The following NIM1K variants were observed in gnomAD, a reference collection of about 807,000 sequenced individuals.
NIM1K encodes NIM1 serine/threonine protein kinase.
In NIM1K, 35 loss-of-function variants were observed where a neutral mutation model predicts 37.1. That is an observed-to-expected ratio of 0.94 (90% CI 0.72 to 1.25). The LOEUF (loss-of-function observed/expected upper bound fraction) is 1.25. Ranked by LOEUF, NIM1K falls within the 50% of genes most tolerant of loss-of-function variation. The pLI is 0.00. For synonymous variants in NIM1K, 234 were observed against 206.6 expected, an observed-to-expected ratio of 1.13 and a Z score of -1.14; for missense variants, 564 against 548.0, an observed-to-expected ratio of 1.03 and a Z score of -0.29.
At chr5:43,252,938 A>G (rs1295547703) in intron 2 of NIM1K, among the ~76,000 whole-genome samples, 1 of 143,640 alleles carries the variant, frequency 7.0e-6, no homozygotes, top group Non-Finnish European at 1.5e-5. Flanking sequence ...CACTTTATTT[A>G]TCTATTTATC....
chr5:43,229,426 T>C (rs528076784), intron 1 of NIM1K, among the ~76,000 whole-genome samples: 1 of 150,934 alleles, frequency 6.6e-6, no homozygotes, highest in East Asian at 1.9e-4. Context: ...TTAATTTGCC[T>C]GAAGGTATAA....
chr5:43,220,264 T>C (rs1409643382), intron 1 of NIM1K, among the ~76,000 whole-genome samples: 1 of 151,622 alleles, frequency 6.6e-6, no homozygotes, highest in Non-Finnish European at 1.5e-5. Flanking sequence ...GGTAAAGGTC[T>C]AACTTTATTC....
At chr5:43,211,770 T>G (rs897000514) in intron 1 of NIM1K, among the ~76,000 whole-genome samples, 1 of 152,226 alleles carries the variant, frequency 6.6e-6, no homozygotes, top group African/African-American at 2.4e-5. Flanking sequence ...TAATGAAGGA[T>G]TTTAAGCAGG....
chr5:43,279,886 A>G, intron 3 of NIM1K, 94 bp from the exon 4 acceptor site: 1 of 1,010,830 alleles, frequency 9.9e-7, no homozygotes, highest in Non-Finnish European at 1.5e-6. Flanking sequence ...TTGTTATTCC[A>G]CCATCATTAT....
chr5:43,213,350 T>C (rs2112220539), intron 1 of NIM1K, among the ~76,000 whole-genome samples: 1 of 142,700 alleles, frequency 7.0e-6, no homozygotes, highest in South Asian at 2.1e-4. Context: ...CTTTTCTAGT[T>C]GGAGTCTCAT....
At chr5:43,278,889 G>A (rs549783638) in intron 3 of NIM1K, among the ~76,000 whole-genome samples, 2 of 152,204 alleles carry the variant, frequency 1.3e-5, no homozygotes, top group Non-Finnish European at 2.9e-5. Context: ...TGTGATATAT[G>A]ACCAATCATC....
intron 3 of NIM1K, among the ~76,000 whole-genome samples, chr5:43,277,557 A>T (rs1579616749): frequency 6.6e-6 from 1 of 152,104 alleles, no homozygotes; most frequent in Non-Finnish European, 1.5e-5. Context: ...CATTGGCAGG[A>T]ATCACTGGGA....
Position 43,206,963 on chromosome 5 carries a change from G to A in NIM1K, c.-695+14552G>A, listed in dbSNP as rs963691336. 4 of 762,072 alleles carry A rather than the reference G, an allele frequency of 5.2e-6. No individual in the cohort carries two copies. The African/African-American group carries it at 6.8e-5, about 13-fold the overall frequency. The allele number at this position is 762,072 out of a possible 1,614,324, so 47.2% of individuals were successfully genotyped here. A position where few individuals can be genotyped will look rare whatever the true frequency, so the allele number is the denominator to read the frequency against. On this transcript the variant is annotated intron_variant, in intron 1 of 3. Transcript: ENST00000326035. ...TGATGCACAAGGCAAAGAAGAGATCGACGGTATTTTGAACAAAGCGGAATT... is the reference window on the plus strand; with the variant it reads ...TGATGCACAAGGCAAAGAAGAGATCAACGGTATTTTGAACAAAGCGGAATT...
At chr5:43,232,770 G>A (rs1489948133) in intron 1 of NIM1K, 2 of 1,131,178 alleles carry the variant, frequency 1.8e-6, no homozygotes, top group Non-Finnish European at 2.6e-6. Flanking sequence ...AAAACAAGAA[G>A]CCTTGGCGAT....
intron 1 of NIM1K, among the ~76,000 whole-genome samples, chr5:43,224,769 T>C (rs966480393): frequency 1.3e-5 from 2 of 150,136 alleles, no homozygotes; most frequent in African/African-American, 4.9e-5. Context: ...CGATCTCGGC[T>C]CACTGCAACC....
chr5:43,233,621 C>G (rs1052086943), intron 1 of NIM1K, among the ~76,000 whole-genome samples: 2 of 152,204 alleles, frequency 1.3e-5, no homozygotes, highest in African/African-American at 4.8e-5. Context: ...CGAGGTTTTT[C>G]TAACACCCAC....
At chr5:43,272,784 C>G (rs1753276956) in intron 2 of NIM1K, among the ~76,000 whole-genome samples, 1 of 152,160 alleles carries the variant, frequency 6.6e-6, no homozygotes, top group Non-Finnish European at 1.5e-5. Flanking sequence ...TTTCAGATGT[C>G]TGGCTTCTCT....
intron 1 of NIM1K, among the ~76,000 whole-genome samples, chr5:43,230,703 G>A (rs1177805292): frequency 1.3e-5 from 2 of 152,204 alleles, no homozygotes; most frequent in African/African-American, 2.4e-5. Flanking sequence ...TTTTCATGCA[G>A]GTTAAGGTTG....
intron 1 of NIM1K, among the ~76,000 whole-genome samples, chr5:43,219,939 C>T (rs571103493): frequency 1.3e-4 from 20 of 152,218 alleles, no homozygotes; most frequent in Non-Finnish European, 2.5e-4. Context: ...GTTGGCCAGG[C>T]TGGTCTTGAA....
At chr5:43,270,545 G>C (rs544744849) in intron 2 of NIM1K, among the ~76,000 whole-genome samples, 1 of 152,150 alleles carries the variant, frequency 6.6e-6, no homozygotes, top group East Asian at 1.9e-4. Context: ...GTGGAAGAAG[G>C]CATTAGAGAC....
Position 43,245,184 on chromosome 5 carries a change from C to A in NIM1K, c.-592C>A, listed in dbSNP as rs1752757325. On this transcript the variant is annotated 5_prime_UTR_variant, in exon 2 of 4. The change creates a new upstream start codon in the 5' untranslated region. Coordinates refer to ENST00000326035, the MANE Select transcript of NIM1K (RefSeq NM_153361.4). ...TTGCAGGGATTAAATCCTTCTTTGG[C>A]TGCCTGTGTGACCAGAAGGCTTATT... 1 of 152,236 alleles carries A rather than the reference C, an allele frequency of 6.6e-6. No homozygotes were observed. Among genetic ancestry groups the A allele is most frequent in the African/African-American group, 2.4e-5 (1 of 41,466 alleles). 9.4% of individuals were successfully genotyped at this position (152,236 alleles called of 1,614,324 possible). A position where few individuals can be genotyped will look rare whatever the true frequency, so the allele number is the denominator to read the frequency against.
At chr5:43,269,304 A>G (rs948939649) in intron 2 of NIM1K, among the ~76,000 whole-genome samples, 20 of 84,644 alleles carry the variant, frequency 2.4e-4, no homozygotes, top group African/African-American at 6.9e-4. Flanking sequence ...GTGAGACTTC[A>G]TCTCAAAAAA....
chr5:43,215,296 A>G (rs1752283865), intron 1 of NIM1K, among the ~76,000 whole-genome samples: 1 of 152,210 alleles, frequency 6.6e-6, no homozygotes, highest in Non-Finnish European at 1.5e-5. Flanking sequence ...TCAGCCGCAC[A>G]TCAGTTCCTG....
At chr5:43,202,578 T>C (rs1301687199) in intron 1 of NIM1K, among the ~76,000 whole-genome samples, 23 of 152,192 alleles carry the variant, frequency 1.5e-4, no homozygotes, top group Admixed American at 1.4e-3. Flanking sequence ...CAAGGGAAAC[T>C]GAATCAGCCA....
Sources: allele counts gnomAD v4.1 joint callset (sites outside exome capture counted in the v4.1 genomes callset), GRCh38; gene constraint gnomAD v4.1.1; transcripts MANE v1.5; gene names NCBI Gene and HGNC (gene_info 2026-07-23, HGNC 2026-07-21).